The following ZFX variants were observed in gnomAD, a reference collection of about 807,000 sequenced individuals.
ZFX encodes the protein zinc finger protein X-linked.
For missense variants in ZFX, 362 were observed against 628.3 expected (o/e 0.58, Z 4.53); for synonymous variants, 196 against 226.8 (o/e 0.86, Z 1.22).
intron 5 of ZFX, among the ~76,000 whole-genome samples, chrX:24,198,483 GTTT>G (rs5901749): frequency 3.4e-4 from 30 of 87,320 alleles, no homozygotes; most frequent in African/African-American, 1.1e-3. Flanking sequence ...ACCTGGCTTT[GTTT>G]TTTTTTTTTT....
At chrX:24,192,021 A>G (rs901332928) in intron 5 of ZFX, among the ~76,000 whole-genome samples, 31 of 111,904 alleles carry the variant, frequency 2.8e-4, no homozygotes, top group African/African-American at 1.0e-3. Context: ...TTAAATAGCC[A>G]TCCACACAGG....
At chrX:24,192,690 T>G (rs1280320290) in intron 5 of ZFX, among the ~76,000 whole-genome samples, 1 of 110,902 alleles carries the variant, frequency 9.0e-6, no homozygotes, top group Non-Finnish European at 1.9e-5. Context: ...GAGGATCACT[T>G]GAGCCCAGGA....
chrX:24,202,325 C>G (rs1373467800), intron 5 of ZFX, among the ~76,000 whole-genome samples: 1 of 111,685 alleles, frequency 9.0e-6, no homozygotes, highest in Non-Finnish European at 1.9e-5. Flanking sequence ...CGGAAAAGTC[C>G]TTGACTCTGC....
At chrX:24,174,108 G>T (rs1250705182) in intron 4 of ZFX, among the ~76,000 whole-genome samples, 1 of 110,253 alleles carries the variant, frequency 9.1e-6, no homozygotes, top group Non-Finnish European at 1.9e-5. Flanking sequence ...AGCTACTCGG[G>T]AGGCTGAGGC....
rs1416004567 is a variant in ZFX, at chrX:24,216,033, C to G, written c.*4657C>G. The G allele has an allele frequency of 9.0e-6, 1 of 111,096 alleles. No individual in the cohort carries two copies. Among genetic ancestry groups the G allele is most frequent in the Admixed American group, 9.6e-5 (1 of 10,427 alleles). The allele number at this position is 111,096 out of a possible 1,213,427, so 9.2% of individuals were successfully genotyped here. A position where few individuals can be genotyped will look rare whatever the true frequency, so the allele number is the denominator to read the frequency against. ...AATCTTGGATTTGTTATATATTGTT[C>G]CTGTTATTTTTGACATCTTTGCTAT... On this transcript the variant is annotated 3_prime_UTR_variant, in exon 10 of 10. Coordinates refer to ENST00000304543, the MANE Select transcript of ZFX (RefSeq NM_003410.4).
chrX:24,154,373 A>G (rs1320481217), intron 3 of ZFX, among the ~76,000 whole-genome samples: 1 of 111,846 alleles, frequency 8.9e-6, no homozygotes, highest in East Asian at 2.8e-4. Context: ...AAACAATATC[A>G]GGTATTGCTT....
intron 5 of ZFX, among the ~76,000 whole-genome samples, chrX:24,200,082 C>A (rs2147945717): frequency 9.0e-6 from 1 of 110,793 alleles, no homozygotes; most frequent in Admixed American, 9.7e-5. Flanking sequence ...GGAAGGAACA[C>A]AATGGTTTGT....
chrX:24,202,241 C>T (rs1937346917), intron 5 of ZFX, among the ~76,000 whole-genome samples: 1 of 112,109 alleles, frequency 8.9e-6, no homozygotes, highest in Non-Finnish European at 1.9e-5. Flanking sequence ...GCTCTGGCTT[C>T]AGTCTCTCAC....
At chrX:24,165,498 T>C (rs1174674171) in intron 3 of ZFX, among the ~76,000 whole-genome samples, 1 of 112,848 alleles carries the variant, frequency 8.9e-6, no homozygotes, top group East Asian at 2.8e-4. Context: ...TTAACAACTA[T>C]GTTAATGACT....
At chrX:24,170,904 G>A (rs760610619) in intron 3 of ZFX, among the ~76,000 whole-genome samples, 1 of 111,858 alleles carries the variant, frequency 8.9e-6, no homozygotes, top group Admixed American at 9.5e-5. Flanking sequence ...TAGCCACCAT[G>A]CCCAGCCCAT....
Position 24,179,468 on chromosome X carries a change from A to T in ZFX, c.344A>T (p.Asp115Val). The T allele has an allele frequency of 8.2e-7, 1 of 1,212,286 alleles. No individual in the cohort carries two copies. The highest frequency in any genetic ancestry group is 1.7e-5 in the African/African-American group (1 of 57,911). ...TCTTTAGCACATTGCACAGTCCCAGATGATGTTTTAGCTTCTGACATTACT... is the reference window on the plus strand; with the variant it reads ...TCTTTAGCACATTGCACAGTCCCAGTTGATGTTTTAGCTTCTGACATTACT... The part of the protein sequence containing the change: ...EVSLAHCTVP[D>V]DVLASDITSA... The change falls in exon 5 of 10, where the codon GAT becomes GTT. Residue 115 changes from aspartate to valine, a missense_variant. Asp to Val is a radical substitution (Grantham distance 152). Transcript: ENST00000304543.
At chrX:24,207,262 T>G (rs1937649916) in intron 5 of ZFX, 64 bp from the exon 6 acceptor site, 3 of 1,073,132 alleles carry the variant, frequency 2.8e-6, no homozygotes, top group African/African-American at 1.9e-5. Flanking sequence ...TTTTTTTTTT[T>G]GCGAATAGTA....
At chrX:24,207,597 C>A in intron 6 of ZFX, 115 bp from the exon 7 acceptor site, 2 of 1,111,272 alleles carry the variant, frequency 1.8e-6, no homozygotes, top group Non-Finnish European at 2.4e-6. Flanking sequence ...GTAAGAATTC[C>A]GGTGTAGTAA....
In ZFX at chrX:24,214,293, T is replaced by A. The variant is rs1354657198; in HGVS notation, c.*2917T>A. 1.8e-5 allele frequency: 2 copies of A among 111,976 alleles called. No individual in the cohort carries two copies. Among genetic ancestry groups the A allele is most frequent in the East Asian group, 5.6e-4 (2 of 3,585 alleles). 9.2% of individuals were successfully genotyped at this position (111,976 alleles called of 1,213,427 possible). Reference sequence around the variant, plus strand: ...TGTATGTCCCTCCCTCTGTACACTTTGTAAAGAAAGTAAAATACATAAAAA... The same window carrying A: ...TGTATGTCCCTCCCTCTGTACACTTAGTAAAGAAAGTAAAATACATAAAAA... On this transcript the variant is annotated 3_prime_UTR_variant, in exon 10 of 10. Transcript: ENST00000304543.
chrX:24,158,964 C>T (rs982894868), intron 3 of ZFX, among the ~76,000 whole-genome samples: 11 of 109,944 alleles, frequency 1.0e-4, no homozygotes, highest in Non-Finnish European at 2.1e-4. Context: ...CATCTATTGG[C>T]GTGATGAAGT....
intron 5 of ZFX, among the ~76,000 whole-genome samples, chrX:24,194,188 G>T (rs1268294895): frequency 9.0e-6 from 1 of 111,502 alleles, no homozygotes; most frequent in Non-Finnish European, 1.9e-5. Context: ...TGTATGGATA[G>T]ACCATATTGT....
chrX:24,180,367 C>T (rs1935570815), intron 5 of ZFX, among the ~76,000 whole-genome samples: 1 of 103,341 alleles, frequency 9.7e-6, no homozygotes, highest in African/African-American at 3.5e-5. Context: ...AACAAAAAGT[C>T]TAACCAAGCT....
intron 3 of ZFX, among the ~76,000 whole-genome samples, chrX:24,158,624 C>G (rs766642630): frequency 9.1e-6 from 1 of 110,419 alleles, no homozygotes; most frequent in Admixed American, 9.7e-5. Flanking sequence ...AGAGGGGGTG[C>G]TGATGATATT....
Position 24,214,932 on chromosome X carries a change from G to A in ZFX, c.*3556G>A, listed in dbSNP as rs1454439002. Reference sequence around the variant, plus strand: ...GTAGATGCTAACATACTAGGGAATGGTCATTGCCACAGTTAAAAATCGGCA... The same window carrying A: ...GTAGATGCTAACATACTAGGGAATGATCATTGCCACAGTTAAAAATCGGCA... On this transcript the variant is annotated 3_prime_UTR_variant, in exon 10 of 10. Transcript: ENST00000304543. 2 of 111,680 alleles carry A rather than the reference G, an allele frequency of 1.8e-5. No individual in the cohort carries two copies. Among genetic ancestry groups the A allele is most frequent in the African/African-American group, 6.5e-5 (2 of 30,641 alleles). 9.2% of individuals were successfully genotyped at this position (111,680 alleles called of 1,213,427 possible). A position where few individuals can be genotyped will look rare whatever the true frequency, so the allele number is the denominator to read the frequency against.
Sources: allele counts gnomAD v4.1 joint callset (sites outside exome capture counted in the v4.1 genomes callset), GRCh38; gene constraint gnomAD v4.1.1; transcripts MANE v1.5; gene names NCBI Gene and HGNC (gene_info 2026-07-23, HGNC 2026-07-21).